SGCZ: variants seen among roughly 807,000 people sequenced by gnomAD.
SGCZ encodes the protein zeta-sarcoglycan.
SGCZ carries 40 observed loss-of-function variants against 41.3 expected under a neutral mutation model. The ratio of observed to expected loss-of-function variants is 0.97; its 90% CI spans 0.75 to 1.26. SGCZ has a LOEUF of 1.26. SGCZ is among the 50% of genes most tolerant of loss of function. SGCZ has a pLI of 0.00. For synonymous variants in SGCZ, 206 were observed against 137.5 expected (o/e 1.50, Z -3.49); for missense variants, 552 against 369.8 (o/e 1.49, Z -4.04).
intron 2 of SGCZ, among the ~76,000 whole-genome samples, chr8:14,528,001 A>G (rs1231630162): frequency 6.6e-6 from 1 of 152,062 alleles, no homozygotes; most frequent in Admixed American, 6.6e-5. Flanking sequence ...ATGTTTCAAA[A>G]TTAGCTAATA....
chr8:14,534,142 G>C (rs1300807956), intron 2 of SGCZ, among the ~76,000 whole-genome samples: 1 of 152,012 alleles, frequency 6.6e-6, no homozygotes, highest in Admixed American at 6.6e-5. Flanking sequence ...TTGGAAACTG[G>C]AGCTGAAGTG....
intron 4 of SGCZ, among the ~76,000 whole-genome samples, 163 bp downstream of exon 4, chr8:14,237,429 G>A (rs530444069): frequency 2.0e-5 from 3 of 151,734 alleles, no homozygotes; most frequent in African/African-American, 7.2e-5. Flanking sequence ...TGATCTGCCC[G>A]CCTCAGCCTC....
intron 1 of SGCZ, among the ~76,000 whole-genome samples, chr8:15,078,565 G>C (rs1184459052): frequency 1.3e-5 from 2 of 151,944 alleles, no homozygotes; most frequent in Non-Finnish European, 2.9e-5. Flanking sequence ...TTTACATTTT[G>C]AGTCCATTGG....
At chr8:14,519,584 A>C (rs1051596503) in intron 2 of SGCZ, among the ~76,000 whole-genome samples, 1 of 152,118 alleles carries the variant, frequency 6.6e-6, no homozygotes, top group African/African-American at 2.4e-5. Context: ...AGAAAATGTT[A>C]GTGATGGGTA....
chr8:14,442,893 T>A (rs1001999169), intron 2 of SGCZ, among the ~76,000 whole-genome samples: 4 of 152,162 alleles, frequency 2.6e-5, no homozygotes, highest in Non-Finnish European at 5.9e-5. Context: ...GATGACATGA[T>A]TGTATATCTA....
At chr8:14,543,532 T>G (rs1008900612) in intron 2 of SGCZ, among the ~76,000 whole-genome samples, 1 of 152,072 alleles carries the variant, frequency 6.6e-6, no homozygotes, top group Non-Finnish European at 1.5e-5. Context: ...CAAAAAGTAT[T>G]GTGTAAAGAG....
rs562044403 is a variant in SGCZ at position 14,235,450 on chromosome 8, G to C, written c.424+2142C>G. Among the ~76,000 whole-genome samples the C allele has an allele frequency of 2.0e-5, 3 of 151,952 alleles. No individual in the cohort carries two copies. In the South Asian group the frequency reaches 6.2e-4, roughly 32 times the overall value. On this transcript the variant is annotated intron_variant, in intron 4 of 7. Coordinates refer to ENST00000382080, the MANE Select transcript of SGCZ (RefSeq NM_139167.4). ...CAGCTTAACATTTTTTTCTTTCTCC[G>C]TCCTCCTCTTGCTATTTTCTCTCAT... is the stretch of plus-strand genomic sequence containing the variant.
rs1003326610 is a variant in SGCZ at position 14,215,956 on chromosome 8, G to A, written c.424+21636C>T. On this transcript the variant is annotated intron_variant, in intron 4 of 7. Coordinates refer to ENST00000382080, the MANE Select transcript of SGCZ (RefSeq NM_139167.4). ...TACCCAGTGAAAGAGTGGGCTAGGG[G>A]ACCAGGCCCCTCACAGACCCTGAGG... Among the ~76,000 whole-genome samples, 8 of 152,348 alleles carry A rather than the reference G, an allele frequency of 5.3e-5. No individual in the cohort carries two copies. The South Asian group carries it at 6.2e-4, about 12-fold the overall frequency.
chr8:14,875,688 G>A (rs1007679865), intron 1 of SGCZ, among the ~76,000 whole-genome samples: 6 of 152,138 alleles, frequency 3.9e-5, no homozygotes. Context: ...GACATTTAAG[G>A]TGTAAGTAAC....
At chr8:14,501,353 T>C (rs1327412387) in intron 2 of SGCZ, among the ~76,000 whole-genome samples, 1 of 152,030 alleles carries the variant, frequency 6.6e-6, no homozygotes, top group Non-Finnish European at 1.5e-5. Context: ...CCAAATAACC[T>C]AACATAGTCA....
At chr8:15,114,230 A>C (rs2116935642) in intron 1 of SGCZ, among the ~76,000 whole-genome samples, 1 of 152,280 alleles carries the variant, frequency 6.6e-6, no homozygotes. Flanking sequence ...TGTAGGTAAA[A>C]GTGGAGAGAA....
intron 1 of SGCZ, among the ~76,000 whole-genome samples, chr8:14,795,940 C>T (rs888202213): frequency 3.9e-5 from 6 of 152,056 alleles, no homozygotes; most frequent in African/African-American, 1.2e-4. Flanking sequence ...GTTTTCTGTT[C>T]CTGTGTTAGT....
chr8:14,131,884 C>G (rs7826863), intron 5 of SGCZ, among the ~76,000 whole-genome samples: 1,816 of 152,116 alleles, frequency 0.012, 32 homozygotes, highest in African/African-American at 0.041. Context: ...AGCTTTGTAA[C>G]CTAGGAGCAG....
At chr8:14,470,169 A>G (rs1044130682) in intron 2 of SGCZ, among the ~76,000 whole-genome samples, 8 of 152,070 alleles carry the variant, frequency 5.3e-5, no homozygotes, top group African/African-American at 1.9e-4. Flanking sequence ...GGTGTCCACT[A>G]CTTTATATGT....
At chr8:14,968,795 A>G (rs1162838346) in intron 1 of SGCZ, among the ~76,000 whole-genome samples, 1 of 152,106 alleles carries the variant, frequency 6.6e-6, no homozygotes, top group Admixed American at 6.6e-5. Flanking sequence ...AAATTTTGTG[A>G]TTTGACTTGT....
At chr8:14,461,983 A>G (rs2116954343) in intron 2 of SGCZ, among the ~76,000 whole-genome samples, 1 of 152,200 alleles carries the variant, frequency 6.6e-6, no homozygotes, top group South Asian at 2.1e-4. Context: ...GGCATTTGGA[A>G]AAGACTTTCA....
intron 2 of SGCZ, among the ~76,000 whole-genome samples, chr8:14,522,861 T>C (rs189969452): frequency 1.4e-4 from 22 of 151,944 alleles, no homozygotes; most frequent in African/African-American, 5.3e-4. Context: ...CTTAGTATTA[T>C]AAATTTTCTT....
chr8:14,445,968 C>G (rs553473941), intron 2 of SGCZ, among the ~76,000 whole-genome samples: 1 of 152,252 alleles, frequency 6.6e-6, no homozygotes, highest in African/African-American at 2.4e-5. Flanking sequence ...GGCCAGATCC[C>G]ACACACATTT....
intron 1 of SGCZ, among the ~76,000 whole-genome samples, chr8:15,090,948 TC>T (rs940828735): frequency 6.6e-6 from 1 of 152,184 alleles, no homozygotes; most frequent in Non-Finnish European, 1.5e-5. Flanking sequence ...CCTGGATTTT[TC>T]CTTGAACAAT....
Sources: allele counts gnomAD v4.1 joint callset (sites outside exome capture counted in the v4.1 genomes callset), GRCh38; gene constraint gnomAD v4.1.1; transcripts MANE v1.5; gene names NCBI Gene and HGNC (gene_info 2026-07-23, HGNC 2026-07-21).